Variants in C12orf42 observed in about 807,000 individuals in gnomAD.
C12orf42 encodes uncharacterized protein C12orf42.
In C12orf42, 25 loss-of-function variants were observed where a neutral mutation model predicts 21.6. That is an observed-to-expected ratio of 1.16 (90% confidence interval 0.84 to 1.62). The LOEUF (loss-of-function observed/expected upper bound fraction) is 1.62. Among genes scored for constraint, C12orf42 ranks in the 40% most tolerant of loss-of-function variants. C12orf42 has a pLI of 0.00. For synonymous variants in C12orf42, 174 were observed against 175.0 expected (o/e 0.99, Z 0.05); for missense variants, 483 against 459.3 (o/e 1.05, Z -0.47).
At chr12:103,373,155 T>C (rs1049711789) in intron 3 of C12orf42, among the ~76,000 whole-genome samples, 7 of 152,152 alleles carry the variant, frequency 4.6e-5, no homozygotes, top group African/African-American at 1.4e-4. Flanking sequence ...CCACCTTTTT[T>C]CTTTTAAGAT....
chr12:103,252,016 G>A (rs568463238), intron 10 of C12orf42, among the ~76,000 whole-genome samples: 18 of 152,106 alleles, frequency 1.2e-4, no homozygotes, highest in Admixed American at 3.3e-4. Flanking sequence ...GGTTTGTTAC[G>A]TAGGTATACA....
chr12:103,185,660 G>A, the C12orf42 span, among the ~76,000 whole-genome samples: 1 of 152,158 alleles, frequency 6.6e-6, no homozygotes, highest in Admixed American at 6.5e-5. Context: ...CCTGGTGGGA[G>A]AGAATTTGAA....
At chr12:103,494,369 A>C (rs1160988259) in intron 1 of C12orf42, among the ~76,000 whole-genome samples, 1 of 152,250 alleles carries the variant, frequency 6.6e-6, no homozygotes, top group Non-Finnish European at 1.5e-5. Flanking sequence ...CGCCTGTACA[A>C]CAGCCACACT....
At chr12:103,350,878 A>C (rs1231501069) in intron 4 of C12orf42, among the ~76,000 whole-genome samples, 1 of 152,122 alleles carries the variant, frequency 6.6e-6, no homozygotes, top group Admixed American at 6.6e-5. Context: ...TCTTATTTAA[A>C]TATATATTTC....
At chr12:103,126,746 G>A in the C12orf42 span, among the ~76,000 whole-genome samples, 7 of 149,704 alleles carry the variant, frequency 4.7e-5, no homozygotes, top group Admixed American at 2.0e-4. Context: ...CGTTTTTTCC[G>A]AAATAAGACT....
At chr12:103,068,932 CACAT>C in the C12orf42 span, among the ~76,000 whole-genome samples, 275 of 48,180 alleles carry the variant, frequency 5.7e-3, 33 homozygotes, top group Middle Eastern at 0.014. Context: ...TCTCTCTCTC[CACAT>C]ATATATATAT....
At chr12:103,389,700 G>A (rs566472042) in intron 3 of C12orf42, among the ~76,000 whole-genome samples, 27 of 152,230 alleles carry the variant, frequency 1.8e-4, no homozygotes, top group African/African-American at 6.5e-4. Context: ...CGCAGAAAAC[G>A]TTCTACTCAG....
chr12:103,052,627 T>G, the C12orf42 span, among the ~76,000 whole-genome samples: 1 of 152,106 alleles, frequency 6.6e-6, no homozygotes, highest in East Asian at 1.9e-4. Flanking sequence ...TTTTTCACTT[T>G]CATAATGATG....
the C12orf42 span, among the ~76,000 whole-genome samples, chr12:103,071,420 T>A: frequency 6.6e-6 from 1 of 152,184 alleles, no homozygotes; most frequent in Admixed American, 6.6e-5. Flanking sequence ...ACTCTGCTAC[T>A]TCTGATTTAG....
chr12:103,129,133 G>A, the C12orf42 span, among the ~76,000 whole-genome samples: 1 of 152,256 alleles, frequency 6.6e-6, no homozygotes, highest in East Asian at 1.9e-4. Context: ...GTGACTGCAT[G>A]CTATATTCCT....
At chr12:103,492,499 C>T (rs554536546) in intron 1 of C12orf42, among the ~76,000 whole-genome samples, 1 of 152,316 alleles carries the variant, frequency 6.6e-6, no homozygotes, top group East Asian at 1.9e-4. Context: ...ACAAAAATTT[C>T]CTCTCCCTCA....
chr12:103,385,200 G>A (rs1035648438), intron 3 of C12orf42, among the ~76,000 whole-genome samples: 1 of 152,058 alleles, frequency 6.6e-6, no homozygotes, highest in African/African-American at 2.4e-5. Flanking sequence ...ACTAAGTTAA[G>A]AAACACTATT....
At chr12:103,059,074 C>A in the C12orf42 span, among the ~76,000 whole-genome samples, 1 of 151,938 alleles carries the variant, frequency 6.6e-6, no homozygotes, top group African/African-American at 2.4e-5. Flanking sequence ...GTAGATAGAC[C>A]ACTAACTAGA....
intron 1 of C12orf42, among the ~76,000 whole-genome samples, chr12:103,479,088 C>A (rs948315375): frequency 1.1e-4 from 16 of 152,142 alleles, no homozygotes; most frequent in East Asian, 3.9e-4. Context: ...CTCATTTGCA[C>A]AGGCCCCTGT....
At chr12:103,214,721 A>G in the C12orf42 span, among the ~76,000 whole-genome samples, 1 of 152,220 alleles carries the variant, frequency 6.6e-6, no homozygotes, top group Non-Finnish European at 1.5e-5. Context: ...AAGGGAGTCC[A>G]CTGAAAATCC....
chr12:103,071,070 G>A, the C12orf42 span, among the ~76,000 whole-genome samples: 3 of 151,992 alleles, frequency 2.0e-5, no homozygotes, highest in East Asian at 5.8e-4. Flanking sequence ...AACTCATTAG[G>A]AAACAATCAT....
chr12:103,333,662 G>T (rs564006746), intron 4 of C12orf42, among the ~76,000 whole-genome samples: 1 of 152,068 alleles, frequency 6.6e-6, no homozygotes, highest in Non-Finnish European at 1.5e-5. Flanking sequence ...AAATTATCAG[G>T]GTCCTCTTTC....
chr12:103,267,704 C>G (rs1021722505), downstream of C12orf42: 10 of 151,962 alleles, frequency 6.6e-5, no homozygotes, highest in African/African-American at 2.4e-4. Flanking sequence ...TTAGAGATGA[C>G]AAAGCTGAGA....
chr12:103,420,360 T>A (rs2139103205), intron 2 of C12orf42, among the ~76,000 whole-genome samples: 1 of 152,314 alleles, frequency 6.6e-6, no homozygotes. Flanking sequence ...TTGGAAATCT[T>A]GCAAACTGCC....
Sources: gnomAD v4.1 joint callset for allele counts (sites outside exome capture counted in the v4.1 genomes callset) on GRCh38, gnomAD v4.1.1 for gene constraint, MANE v1.5 for transcripts, NCBI Gene and HGNC (gene_info 2026-07-23, HGNC 2026-07-21) for gene names.